The following PLVAP variants were observed in gnomAD, a reference collection of about 807,000 sequenced individuals.
PLVAP encodes the protein plasmalemma vesicle associated protein.
PLVAP carries 34 observed loss-of-function variants against 43.1 expected under a neutral mutation model. The ratio of observed to expected loss-of-function variants is 0.79; its 90% CI spans 0.60 to 1.05. The LOEUF is 1.05. PLVAP is among the 50% of genes least tolerant of loss of function. The pLI is 0.00. For synonymous variants in PLVAP, 241 were observed against 237.3 expected, an observed-to-expected ratio of 1.02 and a Z score of -0.14; for missense variants, 574 against 593.4, an observed-to-expected ratio of 0.97 and a Z score of 0.34.
intron 5 of PLVAP, among the ~76,000 whole-genome samples, chr19:17,358,245 G>C: frequency 6.9e-6 from 1 of 145,618 alleles, no homozygotes; most frequent in East Asian, 2.0e-4. Context: ...TGAGCTCCCT[G>C]TTGGAGAGGG....
chr19:17,354,080 A>G lies in PLVAP; in HGVS notation c.1323-1712T>C, dbSNP rs560797552. Among the ~76,000 whole-genome samples, 33 of 152,076 alleles carry G rather than the reference A, an allele frequency of 2.2e-4. No individual in the cohort carries two copies. The South Asian group carries it at 6.7e-3, about 31-fold the overall frequency. ...CGAGGTGGAGGGATCATTTGAGGCT[A>G]GGAGTTCAAAACCAGCCTGGCCAAT... is the stretch of plus-strand genomic sequence containing the variant. On this transcript the variant is annotated intron_variant, in intron 5 of 5. Transcript: ENST00000252590.
chr19:17,352,455 C>T (rs1297069309), intron 5 of PLVAP, 87 bp from the exon 6 acceptor site: 31 of 1,465,138 alleles, frequency 2.1e-5, no homozygotes, highest in South Asian at 3.5e-5. Context: ...TCGTCCTCAG[C>T]GGGGACACAA....
chr19:17,365,205 C>T (rs2145722595), intron 3 of PLVAP, 81 bp downstream of exon 3: 3 of 1,357,812 alleles, frequency 2.2e-6, no homozygotes, highest in East Asian at 2.3e-5. Context: ...TCAAAGCCAA[C>T]TCCAAGTTCA....
intron 1 of PLVAP, among the ~76,000 whole-genome samples, chr19:17,367,249 CTGT>C (rs1450281464): frequency 4.0e-5 from 6 of 151,868 alleles, no homozygotes; most frequent in Non-Finnish European, 7.4e-5. Flanking sequence ...GGGTCTCACT[CTGT>C]TGCCCAGGCT....
Position 17,365,654 on chromosome 19 carries a change from C to A in PLVAP, c.811G>T (p.Ala271Ser). ...LGSELASIRR[A>S]CDHMPSLMSS... ...ATGAGGCTGGGCATGTGGTCGCAGG[C>A]TCTGCGGATGGAGGCCAATTCCGAG... Residue 271 changes from alanine (A) to serine (S), a missense_variant, in exon 3 of 6, where the codon GCC (alanine) becomes TCC (serine). Coordinates refer to ENST00000252590, the MANE Select transcript of PLVAP (RefSeq NM_031310.3). The A allele has an allele frequency of 6.2e-7, 1 of 1,613,704 alleles. No homozygotes were observed. Among genetic ancestry groups the A allele is most frequent in the Non-Finnish European group, 8.5e-7 (1 of 1,180,010 alleles).
intron 3 of PLVAP, among the ~76,000 whole-genome samples, chr19:17,361,929 A>AT (rs976106041): frequency 4.5e-4 from 67 of 149,816 alleles, no homozygotes; most frequent in Non-Finnish European, 6.2e-4. Context: ...AAAATAAAAA[A>AT]AAAAAAATCA....
intron 1 of PLVAP, among the ~76,000 whole-genome samples, chr19:17,368,935 G>A (rs767734686): frequency 9.2e-5 from 14 of 152,060 alleles, no homozygotes; most frequent in Non-Finnish European, 1.3e-4. Flanking sequence ...CCGAGATCGC[G>A]TCTCTGCACT....
At chr19:17,366,903 T>C (rs1369617452) in intron 1 of PLVAP, among the ~76,000 whole-genome samples, 1 of 150,742 alleles carries the variant, frequency 6.6e-6, no homozygotes, top group Non-Finnish European at 1.5e-5. Context: ...CCCAAAGTGC[T>C]GAGACTACAG....
intron 1 of PLVAP, among the ~76,000 whole-genome samples, chr19:17,374,155 T>C (rs1401830146): frequency 6.7e-6 from 1 of 150,078 alleles, no homozygotes; most frequent in Non-Finnish European, 1.5e-5. Flanking sequence ...AGGGAGACCC[T>C]GTCTCAAACA....
rs2074598077 is a variant in PLVAP, at chr19:17,377,000, C to T, written c.289G>A (p.Ala97Thr). ...GCATTCAGCCACATCTGCATGATGG[C>T]ATCCTTGGCGCGGGTGGTGAAGTTG... The part of the protein sequence containing the change: ...ELNFTTRAKD[A>T]IMQMWLNARR... Residue 97 changes from alanine to threonine, a missense_variant, in exon 1 of 6, where the codon GCC becomes ACC. Coordinates refer to ENST00000252590, the MANE Select transcript of PLVAP (RefSeq NM_031310.3). 1 of 1,614,130 alleles carries T rather than the reference C, an allele frequency of 6.2e-7. No individual in the cohort carries two copies. Among genetic ancestry groups the T allele is most frequent in the Non-Finnish European group, 8.5e-7 (1 of 1,180,038 alleles).
Position 17,366,187 on chromosome 19 carries a change from G to A in PLVAP, c.378C>T (p.Tyr126=). The part of the protein sequence containing the change: ...FRQCQGDRVI[Y]TNNQRYMAAI... ...CAGCCATGTACCTCTGATTGTTCGTGTAGATGACCTGCCCGGAAGATAGGG... is the reference window on the plus strand; with the variant it reads ...CAGCCATGTACCTCTGATTGTTCGTATAGATGACCTGCCCGGAAGATAGGG... Residue 126 remains tyrosine, a synonymous_variant, in exon 2 of 6, where the codon TAC becomes TAT. Transcript: ENST00000252590. The A allele has an allele frequency of 6.2e-6, 10 of 1,614,116 alleles. No homozygotes were observed. The highest frequency in any genetic ancestry group is 8.5e-6 in the Non-Finnish European group (10 of 1,180,000).
rs748305958 is a variant in PLVAP, at chr19:17,377,243, C to A, written c.46G>T (p.Gly16Cys). Reference sequence around the variant, plus strand: ...TAATACCAGCAGCCCCGAGAGCTGCCCCCCGCCCGAGCGTAGGACCCTCCG... The same window carrying A: ...TAATACCAGCAGCCCCGAGAGCTGCACCCCGCCCGAGCGTAGGACCCTCCG... ...EHGGSYARAG[G>C]SSRGCWYYLR... Residue 16 changes from glycine to cysteine, a missense_variant, in exon 1 of 6, where the codon GGC becomes TGC. Gly to Cys is a radical substitution (Grantham distance 159). Coordinates refer to ENST00000252590, the MANE Select transcript of PLVAP (RefSeq NM_031310.3). 4 of 1,613,978 alleles carry A rather than the reference C, an allele frequency of 2.5e-6. No individual in the cohort carries two copies. The East Asian group carries it at 8.9e-5, about 36-fold the overall frequency.
At chr19:17,372,697 C>G (rs1185524319) in intron 1 of PLVAP, among the ~76,000 whole-genome samples, 1 of 150,712 alleles carries the variant, frequency 6.6e-6, no homozygotes, top group African/African-American at 2.4e-5. Flanking sequence ...ACCTAGTGAT[C>G]CACCCACCTC....
chr19:17,354,615 A>G (rs2074498995), intron 5 of PLVAP, among the ~76,000 whole-genome samples: 1 of 97,764 alleles, frequency 1.0e-5, no homozygotes, highest in Non-Finnish European at 2.1e-5. Context: ...AAAAAAAAAA[A>G]GGGCCGGGCG....
chr19:17,368,397 A>C (rs1345794593), intron 1 of PLVAP, among the ~76,000 whole-genome samples: 1 of 144,912 alleles, frequency 6.9e-6, no homozygotes, highest in East Asian at 2.1e-4. Flanking sequence ...TTTTTAGTAG[A>C]GACAGGGTTT....
intron 5 of PLVAP, among the ~76,000 whole-genome samples, chr19:17,358,741 C>A (rs2074516187): frequency 6.6e-6 from 1 of 152,268 alleles, no homozygotes; most frequent in Admixed American, 6.5e-5. Flanking sequence ...TTGCTCCGGT[C>A]ATTTTTGGAT....
chr19:17,359,207 A>G (rs2074518034), intron 5 of PLVAP, among the ~76,000 whole-genome samples: 1 of 150,536 alleles, frequency 6.6e-6, no homozygotes, highest in East Asian at 1.9e-4. Context: ...GGTTCAAGTG[A>G]TTCTCCTGCC....
At chr19:17,359,986 G>C (rs572953247) in intron 5 of PLVAP, among the ~76,000 whole-genome samples, 1 of 152,144 alleles carries the variant, frequency 6.6e-6, no homozygotes, top group South Asian at 2.1e-4. Context: ...TGTTCCTGCT[G>C]CCTAGAACAC....
At chr19:17,366,937 G>A (rs1397598680) in intron 1 of PLVAP, among the ~76,000 whole-genome samples, 3 of 115,844 alleles carry the variant, frequency 2.6e-5, no homozygotes, top group Non-Finnish European at 5.1e-5. Flanking sequence ...TGCCCGGCTC[G>A]AATTTTTTTT....
Sources: allele counts gnomAD v4.1 joint callset (sites outside exome capture counted in the v4.1 genomes callset), GRCh38; gene constraint gnomAD v4.1.1; transcripts MANE v1.5; gene names NCBI Gene and HGNC (gene_info 2026-07-23, HGNC 2026-07-21).